Variants in SH3GL3 observed in about 807,000 individuals in gnomAD.
The protein encoded by SH3GL3 is SH3 domain containing GRB2 like 3, endophilin A3.
In SH3GL3, 33 loss-of-function variants were observed where a neutral mutation model predicts 47.7. The observed-to-expected ratio is 0.69, with a 90% CI of 0.52 to 0.92. The LOEUF (loss-of-function observed/expected upper bound fraction) is 0.92, where lower values mean the gene tolerates loss of function less well. Ranked by LOEUF, SH3GL3 falls within the 40% of genes least tolerant of loss-of-function variation. The probability of loss-of-function intolerance (pLI) is 0.00; values close to 1 mark genes in which losing one functional copy is unlikely to be tolerated. For missense variants in SH3GL3, 363 were observed against 417.8 expected (o/e 0.87, Z 1.14); for synonymous variants, 155 against 148.8 (o/e 1.04, Z -0.30).
chr15:83,627,332 G>A, the SH3GL3 span, among the ~76,000 whole-genome samples: 7 of 149,302 alleles, frequency 4.7e-5, no homozygotes, highest in African/African-American at 1.7e-4. Context: ...GGGAGGCAGA[G>A]TTTGCAGTGA....
At chr15:83,468,352 C>CTAT (rs1275558207) in intron 1 of SH3GL3, among the ~76,000 whole-genome samples, 2 of 152,070 alleles carry the variant, frequency 1.3e-5, no homozygotes, top group Non-Finnish European at 2.9e-5. Flanking sequence ...AATCTGTAGG[C>CTAT]TATTTATTTT....
At chr15:83,532,083 A>T (rs1206637796) in intron 1 of SH3GL3, among the ~76,000 whole-genome samples, 1 of 152,188 alleles carries the variant, frequency 6.6e-6, no homozygotes, top group Admixed American at 6.5e-5. Context: ...TAGGTCTAGG[A>T]CAGCTTTTAG....
intron 1 of SH3GL3, among the ~76,000 whole-genome samples, chr15:83,508,228 C>T (rs550953082): frequency 3.9e-5 from 6 of 152,250 alleles, no homozygotes; most frequent in Middle Eastern, 3.4e-3. Flanking sequence ...GCTTGAGCCA[C>T]CGTGCCCAGC....
intron 8 of SH3GL3, chr15:83,609,248 A>C (rs1314159493): frequency 2.2e-6 from 1 of 456,052 alleles, no homozygotes; most frequent in Non-Finnish European, 4.4e-6. Flanking sequence ...AATGTTACAT[A>C]ATCGGTTATC....
intron 1 of SH3GL3, among the ~76,000 whole-genome samples, chr15:83,529,170 G>A (rs2043553533): frequency 6.6e-6 from 1 of 152,218 alleles, no homozygotes; most frequent in Non-Finnish European, 1.5e-5. Context: ...GCCCCAGCAG[G>A]TGGGCCAGTC....
At chr15:83,504,432 T>C (rs1424734093) in intron 1 of SH3GL3, among the ~76,000 whole-genome samples, 2 of 152,220 alleles carry the variant, frequency 1.3e-5, no homozygotes, top group Non-Finnish European at 2.9e-5. Flanking sequence ...GTGCGACCAA[T>C]AGAATATACA....
intron 1 of SH3GL3, among the ~76,000 whole-genome samples, chr15:83,461,893 G>C (rs1412337502): frequency 1.3e-5 from 2 of 152,100 alleles, no homozygotes; most frequent in Admixed American, 6.5e-5. Flanking sequence ...ATACAAATTA[G>C]TCTTGCTCTG....
chr15:83,516,595 A>G (rs1473370590), intron 1 of SH3GL3, among the ~76,000 whole-genome samples: 1 of 152,156 alleles, frequency 6.6e-6, no homozygotes, highest in Non-Finnish European at 1.5e-5. Context: ...AGCAGCAGGC[A>G]CGTCACATGG....
At chr15:83,598,973 CG>C (rs1421727822) in intron 8 of SH3GL3, among the ~76,000 whole-genome samples, 3 of 152,108 alleles carry the variant, frequency 2.0e-5, no homozygotes, top group Non-Finnish European at 4.4e-5. Flanking sequence ...TTATAAAAAA[CG>C]TATCAAGAGG....
chr15:83,472,164 G>A (rs111645836), intron 1 of SH3GL3, among the ~76,000 whole-genome samples: 70 of 152,324 alleles, frequency 4.6e-4, no homozygotes, highest in African/African-American at 1.3e-3. Context: ...GATTACAGGC[G>A]TGAGCCACTG....
intron 1 of SH3GL3, among the ~76,000 whole-genome samples, chr15:83,473,851 G>A (rs2151538536): frequency 6.9e-6 from 1 of 143,904 alleles, no homozygotes. Flanking sequence ...CCGGCCTGTT[G>A]GGGCTTTTTT....
At chr15:83,457,332 A>G (rs1257119888) in intron 1 of SH3GL3, among the ~76,000 whole-genome samples, 1 of 152,212 alleles carries the variant, frequency 6.6e-6, no homozygotes, top group Non-Finnish European at 1.5e-5. Context: ...TATGCCTTTT[A>G]ACTTCTGTCA....
At chr15:83,508,566 G>A (rs1041630802) in intron 1 of SH3GL3, among the ~76,000 whole-genome samples, 15 of 151,892 alleles carry the variant, frequency 9.9e-5, no homozygotes, top group African/African-American at 3.6e-4. Context: ...ATATTGTAGG[G>A]ACAAGATGGG....
chr15:83,490,035 GC>G (rs1188368717), intron 1 of SH3GL3, among the ~76,000 whole-genome samples: 4 of 152,176 alleles, frequency 2.6e-5, no homozygotes, highest in Non-Finnish European at 5.9e-5. Context: ...TTTTTGCCAG[GC>G]AGGGGGAATC....
chr15:83,526,517 G>A (rs1013828429), intron 1 of SH3GL3, among the ~76,000 whole-genome samples: 37 of 152,128 alleles, frequency 2.4e-4, no homozygotes, highest in African/African-American at 8.0e-4. Flanking sequence ...ATTTGCAGGA[G>A]CATAAATGGA....
chr15:83,488,765 A>T (rs975065398), intron 1 of SH3GL3, among the ~76,000 whole-genome samples: 30 of 152,322 alleles, frequency 2.0e-4, no homozygotes, highest in Middle Eastern at 3.4e-3. Context: ...GCTGATGTTC[A>T]CTAGCCACTG....
At chr15:83,569,992 G>C (rs72760378) in intron 4 of SH3GL3, among the ~76,000 whole-genome samples, 57,219 of 151,988 alleles carry the variant, frequency 0.38, 11,214 homozygotes, top group Non-Finnish European at 0.43. Flanking sequence ...TTTCAATGGA[G>C]AGAGATTTTT....
chr15:83,626,443 C>T, the SH3GL3 span, among the ~76,000 whole-genome samples: 1 of 152,124 alleles, frequency 6.6e-6, no homozygotes, highest in African/African-American at 2.4e-5. Flanking sequence ...GGTCTGAAGC[C>T]TTTTATGACT....
intron 1 of SH3GL3, among the ~76,000 whole-genome samples, chr15:83,536,970 A>G (rs2043939843): frequency 6.6e-6 from 1 of 152,092 alleles, no homozygotes; most frequent in African/African-American, 2.4e-5. Context: ...TCTGATTGTC[A>G]GTGTATCAGA....
Sources: allele counts gnomAD v4.1 joint callset (sites outside exome capture counted in the v4.1 genomes callset), GRCh38; gene constraint gnomAD v4.1.1; transcripts MANE v1.5; gene names NCBI Gene and HGNC (gene_info 2026-07-23, HGNC 2026-07-21).